GSTCD: variants seen among roughly 807,000 people sequenced by gnomAD.
GSTCD encodes glutathione S-transferase C-terminal domain-containing protein.
Under a neutral mutation model 68.3 loss-of-function variants are expected in GSTCD, and 44 were observed. The observed-to-expected ratio is 0.64, with a 90% CI of 0.51 to 0.83. The LOEUF is 0.83. Ranked by LOEUF, GSTCD falls within the 40% of genes least tolerant of loss-of-function variation. The probability of loss-of-function intolerance (pLI) is 0.00; values close to 1 mark genes in which losing one functional copy is unlikely to be tolerated. For missense variants in GSTCD, 739 were observed against 735.9 expected, an observed-to-expected ratio of 1.00 and a Z score of -0.05; for synonymous variants, 273 against 255.2, an observed-to-expected ratio of 1.07 and a Z score of -0.67.
intron 5 of GSTCD, chr4:105,807,160 C>G (rs1045760918): frequency 1.3e-5 from 2 of 152,032 alleles, no homozygotes; most frequent in Non-Finnish European, 2.9e-5. Flanking sequence ...TATAGAATCA[C>G]CAGTTTTTAC....
intron 5 of GSTCD, among the ~76,000 whole-genome samples, chr4:105,743,792 G>A (rs1180970266): frequency 1.3e-5 from 2 of 151,424 alleles, no homozygotes; most frequent in African/African-American, 4.9e-5. Context: ...TCGAGTAGCT[G>A]GGACTACAGG....
chr4:105,730,966 C>T (rs921749199), intron 5 of GSTCD, among the ~76,000 whole-genome samples: 1 of 152,126 alleles, frequency 6.6e-6, no homozygotes, highest in African/African-American at 2.4e-5. Context: ...ATATGGCTTG[C>T]CAGTTTTCCC....
At chr4:105,763,873 C>A (rs114736882) in intron 5 of GSTCD, among the ~76,000 whole-genome samples, 2,047 of 152,066 alleles carry the variant, frequency 0.013, 60 homozygotes, top group African/African-American at 0.047. Context: ...TTTGATTTTT[C>A]CCCAGAGGTA....
chr4:105,744,401 T>C (rs1001371162), intron 5 of GSTCD, among the ~76,000 whole-genome samples: 3 of 152,224 alleles, frequency 2.0e-5, no homozygotes, highest in Non-Finnish European at 4.4e-5. Context: ...TTTATATTCA[T>C]TGGATGCTTC....
chr4:105,731,468 T>C (rs938307985), intron 5 of GSTCD, among the ~76,000 whole-genome samples: 3 of 152,224 alleles, frequency 2.0e-5, no homozygotes, highest in African/African-American at 7.2e-5. Flanking sequence ...GTTGGATTCC[T>C]AGGTATTTTA....
chr4:105,810,395 A>G (rs1215936731), intron 5 of GSTCD, among the ~76,000 whole-genome samples: 5 of 152,116 alleles, frequency 3.3e-5, no homozygotes, highest in Admixed American at 6.6e-5. Flanking sequence ...GTGGGTATGC[A>G]GATACACAAA....
In GSTCD at chr4:105,792,811, G is replaced by A. The variant is rs536215363; in HGVS notation, c.1241-30143G>A. ...AATTGTGAATCTTTACTGCCAGAAG[G>A]AAACTTAGACATTTTCTGCTTAAAT... On this transcript the variant is annotated intron_variant, in intron 5 of 11. Transcript: ENST00000515279. Among the ~76,000 whole-genome samples the A allele has an allele frequency of 1.2e-4, 19 of 152,086 alleles. 2 individuals carry two copies. In the South Asian group the frequency reaches 3.7e-3, roughly 30 times the overall value.
chr4:105,778,034 T>C (rs955252179), intron 5 of GSTCD, among the ~76,000 whole-genome samples: 1 of 152,110 alleles, frequency 6.6e-6, no homozygotes, highest in African/African-American at 2.4e-5. Context: ...TAGTTCTGAT[T>C]GTTGGATTAA....
At chr4:105,794,868 TATC>T in intron 5 of GSTCD, among the ~76,000 whole-genome samples, 1 of 144,712 alleles carries the variant, frequency 6.9e-6, no homozygotes, top group Non-Finnish European at 1.5e-5. Context: ...TCTATCTATC[TATC>T]TATCTATCTA....
intron 5 of GSTCD, among the ~76,000 whole-genome samples, chr4:105,791,600 G>C (rs528946336): frequency 5.9e-5 from 9 of 152,046 alleles, no homozygotes; most frequent in African/African-American, 1.9e-4. Flanking sequence ...TCATTATCAG[G>C]TTATTCTGTG....
intron 1 of GSTCD, 46 bp from the exon 2 acceptor site, chr4:105,717,547 A>T: frequency 8.6e-7 from 1 of 1,163,148 alleles, no homozygotes; most frequent in South Asian, 1.7e-5. Context: ...TTTAGCTTCT[A>T]AATGATTATA....
At chr4:105,768,952 A>T (rs1480508615) in intron 5 of GSTCD, among the ~76,000 whole-genome samples, 4 of 151,974 alleles carry the variant, frequency 2.6e-5, no homozygotes, top group African/African-American at 9.7e-5. Flanking sequence ...CAAGTGACAT[A>T]AGCTATTCAC....
rs141133483 is a variant in GSTCD, at chr4:105,820,375, A to G, written c.1241-2579A>G. Reference sequence around the variant, plus strand: ...TTGTATTAAAATATTCTACACTTAGATTTCTTTTTCCGTGACACTAGAGAT... The same window carrying G: ...TTGTATTAAAATATTCTACACTTAGGTTTCTTTTTCCGTGACACTAGAGAT... On this transcript the variant is annotated intron_variant, in intron 5 of 11. Transcript: ENST00000515279. Among the ~76,000 whole-genome samples the G allele has an allele frequency of 4.2e-4, 64 of 151,960 alleles. 1 individual carries two copies. The highest frequency in any genetic ancestry group is 1.4e-3 in the African/African-American group (60 of 41,542).
intron 7 of GSTCD, 132 bp from the exon 8 acceptor site, chr4:105,825,540 C>T (rs1170312139): frequency 1.9e-6 from 1 of 515,950 alleles, no homozygotes; most frequent in Non-Finnish European, 3.5e-6. Context: ...ATGTGACATA[C>T]TTCCTGCCAC....
chr4:105,790,978 A>G (rs962369979), intron 5 of GSTCD, among the ~76,000 whole-genome samples: 1 of 152,102 alleles, frequency 6.6e-6, no homozygotes, highest in East Asian at 1.9e-4. Flanking sequence ...AAACGCCTCT[A>G]CTTAAGAACC....
chr4:105,797,330 C>T (rs547476932), intron 5 of GSTCD, among the ~76,000 whole-genome samples: 10 of 151,712 alleles, frequency 6.6e-5, no homozygotes, highest in Admixed American at 2.6e-4. Flanking sequence ...CATACCTTGG[C>T]GATATTGCAG....
In GSTCD at chr4:105,842,072, T is replaced by G; in HGVS notation, c.1703T>G (p.Met568Arg). 1 of 1,613,516 alleles carries G rather than the reference T, an allele frequency of 6.2e-7. No homozygotes were observed. The change falls in exon 11 of 12, where the codon ATG becomes AGG. Residue 568 changes from methionine (M) to arginine (R), a missense_variant. By Grantham distance (91) the Met-to-Arg change is moderately conservative. Coordinates refer to ENST00000515279, the MANE Select transcript of GSTCD (RefSeq NM_001370181.1). Reference protein sequence around the residue: ...FKKTLSYKEHMILCRFADQTA... With the variant: ...FKKTLSYKEHRILCRFADQTA... The stretch of plus-strand genomic sequence containing the variant: ...TATTGCTTTTTCTTTTAGGAACACA[T>G]GATTCTGTGCAGATTTGCAGACCAG...
chr4:105,763,937 T>C (rs1734510273), intron 5 of GSTCD, among the ~76,000 whole-genome samples: 1 of 152,168 alleles, frequency 6.6e-6, no homozygotes, highest in South Asian at 2.1e-4. Flanking sequence ...AGAATTATTA[T>C]TGGTCACAAA....
chr4:105,721,161 A>G lies in GSTCD; in HGVS notation c.894+1634A>G, dbSNP rs562620589. 1.2e-4 allele frequency among the ~76,000 whole-genome samples: 19 copies of G among 152,142 alleles called. No individual in the cohort carries two copies. In the South Asian group the frequency reaches 3.7e-3, roughly 30 times the overall value. ...TAATTTTTGTATTTTTTAAGTAGAG[A>G]TGGGGTTTCACCATGTTGGCCAGGC... On this transcript the variant is annotated intron_variant, in intron 3 of 11. Coordinates refer to ENST00000515279, the MANE Select transcript of GSTCD (RefSeq NM_001370181.1).
Sources: allele counts gnomAD v4.1 joint callset (sites outside exome capture counted in the v4.1 genomes callset), GRCh38; gene constraint gnomAD v4.1.1; transcripts MANE v1.5; gene names NCBI Gene and HGNC (gene_info 2026-07-23, HGNC 2026-07-21).